The following TOP6BL variants were observed in gnomAD, a reference collection of about 807,000 sequenced individuals.
The protein encoded by TOP6BL is TOP6B like initiator of meiotic double strand breaks.
chr11:66,751,061 G>A, the TOP6BL span, among the ~76,000 whole-genome samples: 1 of 151,668 alleles, frequency 6.6e-6, no homozygotes, highest in African/African-American at 2.4e-5. Flanking sequence ...TGTCACCCAG[G>A]CTGGACTGCA....
chr11:66,843,363 G>C, the TOP6BL span: 2 of 1,437,334 alleles, frequency 1.4e-6, no homozygotes, highest in African/African-American at 1.6e-5. Context: ...GGCCCGGGCG[G>C]GGCGGGGCGG....
the TOP6BL span, among the ~76,000 whole-genome samples, chr11:66,745,371 C>G: frequency 8.0e-5 from 12 of 150,918 alleles, no homozygotes; most frequent in East Asian, 2.3e-3. Flanking sequence ...AGACTGGGAG[C>G]GAGGGAGAGT....
the TOP6BL span, among the ~76,000 whole-genome samples, chr11:66,833,732 G>A: frequency 2.0e-5 from 3 of 152,202 alleles, no homozygotes; most frequent in South Asian, 6.2e-4. Context: ...TGGATCACTT[G>A]AGGTCAGGAG....
At chr11:66,819,549 C>G in the TOP6BL span, among the ~76,000 whole-genome samples, 1 of 152,152 alleles carries the variant, frequency 6.6e-6, no homozygotes, top group Non-Finnish European at 1.5e-5. Context: ...AGCAGGAGGA[C>G]CGCTTGAGCC....
chr11:66,746,568 G>C, the TOP6BL span, among the ~76,000 whole-genome samples: 6 of 152,164 alleles, frequency 3.9e-5, no homozygotes, highest in South Asian at 8.3e-4. Flanking sequence ...TACAAAATTA[G>C]CCAGGTGTGG....
chr11:66,829,946 G>A, the TOP6BL span, among the ~76,000 whole-genome samples: 2 of 152,016 alleles, frequency 1.3e-5, no homozygotes, highest in Admixed American at 6.6e-5. Context: ...GAACTATAAG[G>A]AGAAATAGAC....
the TOP6BL span, among the ~76,000 whole-genome samples, chr11:66,784,831 G>C: frequency 6.6e-6 from 1 of 151,698 alleles, no homozygotes; most frequent in South Asian, 2.1e-4. Context: ...GAGCATTCAT[G>C]TACTAAGTTT....
the TOP6BL span, among the ~76,000 whole-genome samples, chr11:66,817,617 T>A: frequency 6.6e-6 from 1 of 152,148 alleles, no homozygotes; most frequent in Non-Finnish European, 1.5e-5. Flanking sequence ...TTTTGTATTT[T>A]TAGTAGAGAT....
chr11:66,834,603 T>A, the TOP6BL span, among the ~76,000 whole-genome samples: 22 of 151,978 alleles, frequency 1.4e-4, no homozygotes, highest in African/African-American at 5.1e-4. Context: ...ACTGAAAAAA[T>A]GAGGGAGTGT....
chr11:66,748,146 T>C, the TOP6BL span, among the ~76,000 whole-genome samples: 1 of 152,226 alleles, frequency 6.6e-6, no homozygotes, highest in Non-Finnish European at 1.5e-5. Flanking sequence ...CTCAATTTCC[T>C]GTCTTACTGG....
the TOP6BL span, chr11:66,748,330 T>G: frequency 7.1e-7 from 1 of 1,412,646 alleles, no homozygotes; most frequent in Non-Finnish European, 9.6e-7. Context: ...GTATTATTAC[T>G]GTGATTTCTA....
the TOP6BL span, chr11:66,762,173 G>A: frequency 1.3e-6 from 1 of 786,428 alleles, no homozygotes; most frequent in South Asian, 1.4e-5. Flanking sequence ...ATCAATCAAA[G>A]CTTTGTCTCC....
At chr11:66,779,895 C>G in the TOP6BL span, among the ~76,000 whole-genome samples, 2 of 151,378 alleles carry the variant, frequency 1.3e-5, no homozygotes, top group Admixed American at 1.3e-4. Flanking sequence ...TCATTCTCAG[C>G]ATACTTTTAC....
At chr11:66,795,593 C>A in the TOP6BL span, among the ~76,000 whole-genome samples, 1 of 152,090 alleles carries the variant, frequency 6.6e-6, no homozygotes, top group East Asian at 1.9e-4. Flanking sequence ...TAAGCTAACA[C>A]GCCCAGCCTA....
At chr11:66,744,944 C>T in the TOP6BL span, 3 of 1,249,044 alleles carry the variant, frequency 2.4e-6, no homozygotes, top group Admixed American at 4.2e-5. Context: ...GGAGAGAAAG[C>T]GGAGGACACT....
chr11:66,773,596 A>C, the TOP6BL span, among the ~76,000 whole-genome samples: 1 of 151,810 alleles, frequency 6.6e-6, no homozygotes, highest in South Asian at 2.1e-4. Flanking sequence ...TATTTCATTC[A>C]TTTACACTCT....
the TOP6BL span, among the ~76,000 whole-genome samples, chr11:66,781,649 A>G: frequency 3.9e-5 from 6 of 152,044 alleles, no homozygotes; most frequent in Admixed American, 3.9e-4. Context: ...TGATCCTCCC[A>G]CCTCAGCCTC....
At chr11:66,832,529 T>C in the TOP6BL span, among the ~76,000 whole-genome samples, 59 of 152,362 alleles carry the variant, frequency 3.9e-4, no homozygotes, top group East Asian at 0.011. Context: ...TCAAAGCATC[T>C]TATGGACTTT....
the TOP6BL span, among the ~76,000 whole-genome samples, chr11:66,745,311 G>T: frequency 1.5e-3 from 220 of 150,144 alleles, 10 homozygotes; most frequent in South Asian, 0.033. Flanking sequence ...TTGCGGGGCG[G>T]GGTGGGGGGA....
Sources: allele counts gnomAD v4.1 joint callset (sites outside exome capture counted in the v4.1 genomes callset), GRCh38; gene constraint gnomAD v4.1.1; transcripts MANE v1.5; gene names NCBI Gene and HGNC (gene_info 2026-07-23, HGNC 2026-07-21).